Variants in CPD observed in about 807,000 individuals in gnomAD.
CPD encodes the protein carboxypeptidase D, also known as metallocarboxypeptidase D.
A neutral mutation model predicts 138.3 loss-of-function variants in CPD; 69 were observed. That is an observed-to-expected ratio of 0.50 (90% confidence interval 0.41 to 0.61). The LOEUF (loss-of-function observed/expected upper bound fraction) is 0.61, where lower values mean the gene tolerates loss of function less well. Among genes scored for constraint, CPD ranks in the 20% least tolerant of loss-of-function variants. CPD has a pLI of 0.00. For missense variants in CPD, 1,432 were observed against 1,733.3 expected (o/e 0.83, Z 3.09); for synonymous variants, 651 against 642.1 (o/e 1.01, Z -0.21).
At chr17:30,456,160 T>G in intron 15 of CPD, 96 bp from the exon 16 acceptor site, 1 of 906,648 alleles carries the variant, frequency 1.1e-6, no homozygotes, top group South Asian at 1.7e-5. Context: ...GCAAAATTTA[T>G]TAGGAGAAAA....
chr17:30,397,781 A>G (rs2143339882), intron 2 of CPD, among the ~76,000 whole-genome samples: 1 of 150,300 alleles, frequency 6.7e-6, no homozygotes, highest in East Asian at 1.9e-4. Flanking sequence ...AAAATTCCTT[A>G]AAGAGGCATG....
chr17:30,444,516 CTT>C (rs34419729), intron 11 of CPD, among the ~76,000 whole-genome samples: 15 of 120,848 alleles, frequency 1.2e-4, no homozygotes, highest in Non-Finnish European at 1.9e-4. Context: ...ATGCTAGTAA[CTT>C]TTTTTTTTTT....
At chr17:30,431,940 C>T in intron 8 of CPD, 59 bp downstream of exon 8, 1 of 1,170,762 alleles carries the variant, frequency 8.5e-7, no homozygotes, top group Non-Finnish European at 1.2e-6. Context: ...TAAAAATATG[C>T]TTTAAAGTCC....
intron 2 of CPD, among the ~76,000 whole-genome samples, chr17:30,401,174 C>G (rs1911648890): frequency 6.6e-6 from 1 of 152,090 alleles, no homozygotes; most frequent in Non-Finnish European, 1.5e-5. Context: ...TTTTCTATGG[C>G]CACTTTCAAG....
At chr17:30,446,596 T>C (rs866737880) in intron 12 of CPD, among the ~76,000 whole-genome samples, 77 of 152,362 alleles carry the variant, frequency 5.1e-4, no homozygotes, top group Middle Eastern at 3.4e-3. Flanking sequence ...TTGGGTTGGT[T>C]CCAAGTCTTT....
intron 2 of CPD, among the ~76,000 whole-genome samples, chr17:30,391,133 T>C (rs1232378031): frequency 3.1e-3 from 1 of 318 alleles, no homozygotes; most frequent in East Asian, 0.12. Context: ...CCTGGCCGCC[T>C]TTTTTTTTTT....
At chr17:30,426,505 C>T (rs769989674) in intron 6 of CPD, among the ~76,000 whole-genome samples, 1 of 152,194 alleles carries the variant, frequency 6.6e-6, no homozygotes, top group South Asian at 2.1e-4. Context: ...ACCACAGGAC[C>T]AGCTGAGTTA....
chr17:30,455,553 A>G, intron 15 of CPD, 83 bp downstream of exon 15: 1 of 1,474,742 alleles, frequency 6.8e-7, no homozygotes, highest in Non-Finnish European at 9.3e-7. Flanking sequence ...CCACATTTTT[A>G]TAAATAGTGA....
At chr17:30,382,047 T>C (rs1426219163) in intron 1 of CPD, among the ~76,000 whole-genome samples, 2 of 152,004 alleles carry the variant, frequency 1.3e-5, no homozygotes, top group Non-Finnish European at 2.9e-5. Flanking sequence ...GCTATGCTTC[T>C]TTAAGTGAAT....
At chr17:30,433,619 T>C (rs1257388288) in intron 8 of CPD, among the ~76,000 whole-genome samples, 1 of 152,174 alleles carries the variant, frequency 6.6e-6, no homozygotes, top group African/African-American at 2.4e-5. Flanking sequence ...TTTGCTATAG[T>C]CCATATGTGT....
chr17:30,384,823 T>C (rs1052086382), intron 1 of CPD, among the ~76,000 whole-genome samples, 166 bp from the exon 2 acceptor site: 1 of 152,220 alleles, frequency 6.6e-6, no homozygotes, highest in Admixed American at 6.5e-5. Context: ...TTTTCTTTTT[T>C]TGTTGTTGTT....
chr17:30,395,196 C>CT (rs35079822), intron 2 of CPD, among the ~76,000 whole-genome samples: 7,609 of 97,768 alleles, frequency 0.078, 303 homozygotes, highest in Non-Finnish European at 0.093. Flanking sequence ...CAGATGGGTG[C>CT]TTTTTTTTTT....
intron 10 of CPD, 59 bp from the exon 11 acceptor site, chr17:30,443,743 C>G (rs1371229641): frequency 6.8e-7 from 1 of 1,463,082 alleles, no homozygotes; most frequent in Non-Finnish European, 9.2e-7. Flanking sequence ...TATGACCTCC[C>G]AAGATAATTA....
rs1394411416 is a variant in CPD, at chr17:30,445,629, T to G, written c.2544-62T>G. The stretch of plus-strand genomic sequence containing the variant: ...TTCTTACGTTCTCTGCACACCTGCC[T>G]TCCCAGGGTTTGGGTACTCCAGCTG... On this transcript the variant is annotated intron_variant, in intron 11 of 20. Transcript: ENST00000225719. 4.1e-6 allele frequency: 5 copies of G among 1,233,024 alleles called. No individual in the cohort carries two copies. The Admixed American group carries it at 1.3e-4, about 33-fold the overall frequency. The allele number at this position is 1,233,024 out of a possible 1,614,324, so 76.4% of individuals were successfully genotyped here.
chr17:30,455,212 A>G, intron 14 of CPD, 127 bp from the exon 15 acceptor site: 1 of 788,856 alleles, frequency 1.3e-6, no homozygotes, highest in African/African-American at 1.8e-5. Context: ...CTTATGGAGA[A>G]ATAAAATATT....
chr17:30,438,118 A>C (rs559770928), intron 8 of CPD, among the ~76,000 whole-genome samples: 1 of 145,544 alleles, frequency 6.9e-6, no homozygotes, highest in Admixed American at 7.3e-5. Flanking sequence ...TGTTGGGATT[A>C]CAGGTGTGAT....
intron 2 of CPD, among the ~76,000 whole-genome samples, chr17:30,386,415 T>C (rs1911187273): frequency 6.6e-6 from 1 of 151,762 alleles, no homozygotes; most frequent in African/African-American, 2.4e-5. Flanking sequence ...TTTTTATTTT[T>C]ATTGTGGTAA....
At chr17:30,381,456 T>C (rs895743529) in intron 1 of CPD, among the ~76,000 whole-genome samples, 1 of 152,228 alleles carries the variant, frequency 6.6e-6, no homozygotes, top group African/African-American at 2.4e-5. Context: ...CAGAGTCATT[T>C]TGGTCTGTGG....
At chr17:30,458,055 G>A (rs1328105903) in intron 17 of CPD, among the ~76,000 whole-genome samples, 7 of 152,028 alleles carry the variant, frequency 4.6e-5, no homozygotes, top group Non-Finnish European at 7.4e-5. Flanking sequence ...TTAGCTGGGC[G>A]TGGTGGCAGG....
Sources: gnomAD v4.1 joint callset for allele counts (sites outside exome capture counted in the v4.1 genomes callset) on GRCh38, gnomAD v4.1.1 for gene constraint, MANE v1.5 for transcripts, NCBI Gene and HGNC (gene_info 2026-07-23, HGNC 2026-07-21) for gene names.